AK5: variants seen among roughly 807,000 people sequenced by gnomAD.
The protein encoded by AK5 is adenylate kinase isoenzyme 5.
In AK5, 27 loss-of-function variants were observed where a neutral mutation model predicts 69.5. The ratio of observed to expected loss-of-function variants is 0.39; its 90% CI spans 0.29 to 0.54. The LOEUF (loss-of-function observed/expected upper bound fraction) is 0.54, where lower values mean the gene tolerates loss of function less well. Ranked by LOEUF, AK5 falls within the 20% of genes least tolerant of loss-of-function variation. AK5 has a pLI of 0.71. For missense variants in AK5, 531 were observed against 700.4 expected, an observed-to-expected ratio of 0.76 and a Z score of 2.73; for synonymous variants, 260 against 244.4, an observed-to-expected ratio of 1.06 and a Z score of -0.60.
intron 12 of AK5, among the ~76,000 whole-genome samples, chr1:77,529,597 A>G (rs927621952): frequency 1.3e-5 from 2 of 152,224 alleles, no homozygotes; most frequent in Admixed American, 6.5e-5. Flanking sequence ...TGCAGGGACT[A>G]TAGGCGTGAG....
intron 11 of AK5, among the ~76,000 whole-genome samples, chr1:77,519,983 C>T (rs967851526): frequency 1.3e-5 from 2 of 152,114 alleles, no homozygotes; most frequent in Admixed American, 1.3e-4. Flanking sequence ...GCAGGTGAAT[C>T]ACGAGGTCAG....
At chr1:77,296,647 A>G (rs1659022888) in intron 3 of AK5, among the ~76,000 whole-genome samples, 1 of 152,186 alleles carries the variant, frequency 6.6e-6, no homozygotes, top group South Asian at 2.1e-4. Flanking sequence ...GGAATAAATC[A>G]GTTTGAATTT....
At position 77,498,794 on chromosome 1, in the gene AK5, A is replaced by T. The variant is rs114002858; in HGVS notation, c.1147+12442A>T. Among the ~76,000 whole-genome samples the T allele has an allele frequency of 4.8e-3, 730 of 152,354 alleles. 2 individuals are homozygous for T. The highest frequency in any genetic ancestry group is 8.4e-3 in the Non-Finnish European group (569 of 68,034). On this transcript the variant is annotated intron_variant, in intron 10 of 13. Transcript: ENST00000354567. Reference sequence around the variant, plus strand: ...GAATTGGAACAAGGAAAGGAACAAGATGAGGAAACCATAACAGAAGTTTAG... The same window carrying T: ...GAATTGGAACAAGGAAAGGAACAAGTTGAGGAAACCATAACAGAAGTTTAG...
chr1:77,285,530 T>G (rs562316954), intron 1 of AK5, among the ~76,000 whole-genome samples: 25 of 152,360 alleles, frequency 1.6e-4, no homozygotes, highest in African/African-American at 6.0e-4. Flanking sequence ...CAAAGGGTGT[T>G]TTGTATACTA....
chr1:77,522,850 G>T (rs1658069958), intron 12 of AK5, among the ~76,000 whole-genome samples: 1 of 152,082 alleles, frequency 6.6e-6, no homozygotes. Flanking sequence ...TATCTCTTCA[G>T]ACTAGTTTTG....
intron 6 of AK5, among the ~76,000 whole-genome samples, chr1:77,376,451 C>CAAAAAAAAAAAA (rs762576175): frequency 5.4e-4 from 22 of 41,036 alleles, no homozygotes; most frequent in African/African-American, 2.0e-3. Flanking sequence ...AAAAAAAAAA[C>CAAAAAAAAAAAA]AAAAAAAAAA....
At chr1:77,371,810 A>G (rs1450694278) in intron 6 of AK5, among the ~76,000 whole-genome samples, 1 of 152,206 alleles carries the variant, frequency 6.6e-6, no homozygotes, top group East Asian at 1.9e-4. Context: ...ATGGAGGGAA[A>G]AGAAATTAAT....
intron 10 of AK5, among the ~76,000 whole-genome samples, chr1:77,509,726 C>G (rs1657234800): frequency 6.6e-6 from 1 of 152,160 alleles, no homozygotes; most frequent in African/African-American, 2.4e-5. Flanking sequence ...ACTGGGAAGG[C>G]TATGCACCTT....
chr1:77,533,112 A>G (rs542630856), intron 12 of AK5, among the ~76,000 whole-genome samples: 6 of 152,360 alleles, frequency 3.9e-5, no homozygotes, highest in African/African-American at 1.4e-4. Flanking sequence ...TGCTGATTCC[A>G]GGAGAGAGAG....
At chr1:77,287,916 A>C (rs1261877617) in intron 2 of AK5, among the ~76,000 whole-genome samples, 1 of 152,216 alleles carries the variant, frequency 6.6e-6, no homozygotes, top group Admixed American at 6.5e-5. Context: ...CTCCTAAGTT[A>C]GGTTTTCAAT....
At chr1:77,474,989 G>A (rs912419643) in intron 8 of AK5, among the ~76,000 whole-genome samples, 2 of 151,580 alleles carry the variant, frequency 1.3e-5, no homozygotes, top group Non-Finnish European at 2.9e-5. Context: ...TCTTTGTACA[G>A]ACGGGGTCTC....
intron 7 of AK5, among the ~76,000 whole-genome samples, chr1:77,413,813 C>G (rs112771583): frequency 1.5e-4 from 23 of 152,178 alleles, no homozygotes; most frequent in African/African-American, 5.3e-4. Context: ...TCTTCTCCTT[C>G]TCTGCCCTCC....
intron 6 of AK5, among the ~76,000 whole-genome samples, chr1:77,350,487 G>A (rs1662134611): frequency 6.6e-6 from 1 of 152,226 alleles, no homozygotes; most frequent in Non-Finnish European, 1.5e-5. Context: ...AAGGCTTGGA[G>A]CATGGGAGTG....
chr1:77,536,226 C>G (rs559189950), intron 13 of AK5, among the ~76,000 whole-genome samples, 188 bp downstream of exon 13: 1 of 152,158 alleles, frequency 6.6e-6, no homozygotes, highest in Non-Finnish European at 1.5e-5. Flanking sequence ...TGTGGGAAGT[C>G]AAGGCGGGTG....
intron 6 of AK5, among the ~76,000 whole-genome samples, chr1:77,343,166 A>T (rs1661743841): frequency 6.6e-6 from 1 of 152,198 alleles, no homozygotes. Context: ...GTCCTCACAT[A>T]TGTCATGCAC....
At chr1:77,350,646 G>A (rs1479226345) in intron 6 of AK5, among the ~76,000 whole-genome samples, 1 of 152,182 alleles carries the variant, frequency 6.6e-6, no homozygotes, top group Admixed American at 6.5e-5. Context: ...CATCTGGCAC[G>A]GATGGCAAAC....
At chr1:77,338,119 C>T (rs1661465830) in intron 5 of AK5, among the ~76,000 whole-genome samples, 2 of 152,058 alleles carry the variant, frequency 1.3e-5, no homozygotes, top group Non-Finnish European at 2.9e-5. Flanking sequence ...CACACGCCAT[C>T]GCACCCGGCT....
chr1:77,508,960 T>C (rs889304394), intron 10 of AK5, among the ~76,000 whole-genome samples: 6 of 151,942 alleles, frequency 3.9e-5, no homozygotes, highest in African/African-American at 1.4e-4. Flanking sequence ...TTTAAGAAAG[T>C]AATACAATCT....
At chr1:77,376,018 G>A (rs1283285257) in intron 6 of AK5, among the ~76,000 whole-genome samples, 3 of 152,184 alleles carry the variant, frequency 2.0e-5, no homozygotes, top group Non-Finnish European at 2.9e-5. Context: ...CGTTATTAGA[G>A]ATTGGTGTAG....
Sources: gnomAD v4.1 joint callset for allele counts (sites outside exome capture counted in the v4.1 genomes callset) on GRCh38, gnomAD v4.1.1 for gene constraint, MANE v1.5 for transcripts, NCBI Gene and HGNC (gene_info 2026-07-23, HGNC 2026-07-21) for gene names.